Variants in NLGN3 observed in about 807,000 individuals in gnomAD.
NLGN3 encodes the protein neuroligin 3.
A neutral mutation model predicts 42.9 loss-of-function variants in NLGN3; 11 were observed. The observed-to-expected ratio is 0.26, with a 90% CI of 0.16 to 0.42. The LOEUF (loss-of-function observed/expected upper bound fraction) is 0.42. Among genes scored for constraint, NLGN3 ranks in the 10% least tolerant of loss-of-function variants. The pLI is 1.00. For synonymous variants in NLGN3, 279 were observed against 312.7 expected, an observed-to-expected ratio of 0.89 and a Z score of 1.14; for missense variants, 374 against 733.8, an observed-to-expected ratio of 0.51 and a Z score of 5.67.
chrX:71,155,779 A>C (rs893483117), intron 5 of NLGN3, among the ~76,000 whole-genome samples: 2 of 110,451 alleles, frequency 1.8e-5, no homozygotes, highest in African/African-American at 6.6e-5. Flanking sequence ...ATTTACCTTC[A>C]TGTGTTTACA....
chrX:71,157,058 G>A (rs2092411924), intron 5 of NLGN3, among the ~76,000 whole-genome samples: 1 of 111,385 alleles, frequency 9.0e-6, no homozygotes, highest in Admixed American at 9.5e-5. Flanking sequence ...ACTTCTTCCT[G>A]GAGGAAGAGT....
chrX:71,171,287 C>G, downstream of NLGN3: 1 of 595,178 alleles, frequency 1.7e-6, no homozygotes, highest in Non-Finnish European at 2.0e-6. Flanking sequence ...CAGGCAGCCT[C>G]CCCCTGCCTC....
At position 71,155,194 on chromosome X, in the gene NLGN3, C is replaced by G. The variant is rs2092404378; in HGVS notation, c.578-20C>G. The G allele has an allele frequency of 8.3e-7, 1 of 1,211,250 alleles. No individual in the cohort carries two copies. The highest frequency in any genetic ancestry group is 3.0e-5 in the East Asian group (1 of 33,826). On this transcript the variant is annotated intron_variant, in intron 4 of 7. Coordinates refer to ENST00000358741, the MANE Select transcript of NLGN3 (RefSeq NM_181303.2). ...CAAGGGCATCCCACCCAGCCTGTGT[C>G]TCACCCCTTCTCCTTGCAGACATCC...
At chrX:71,168,268 G>A (rs1392423688) in intron 7 of NLGN3, among the ~76,000 whole-genome samples, 2 of 111,249 alleles carry the variant, frequency 1.8e-5, no homozygotes, top group Admixed American at 9.5e-5. Context: ...CTTGAGCCCC[G>A]GAGGGTGAGG....
rs762881791 is a variant in NLGN3, at chrX:71,170,771, T to A, written c.*674T>A. ...GGTGGAAGGAGAAAGGGGCTAGCAC[T>A]GGATGGAGCTGGAGGGTCGTAGGGG... is the stretch of plus-strand genomic sequence containing the variant. On this transcript the variant is annotated 3_prime_UTR_variant, in exon 8 of 8. Coordinates refer to ENST00000358741, the MANE Select transcript of NLGN3 (RefSeq NM_181303.2). 10 of 757,721 alleles carry A rather than the reference T, an allele frequency of 1.3e-5. No homozygotes were observed. The highest frequency in any genetic ancestry group is 1.6e-5 in the Non-Finnish European group (10 of 641,394). The allele number at this position is 757,721 out of a possible 1,213,427, so 62.4% of individuals were successfully genotyped here. A position where few individuals can be genotyped will look rare whatever the true frequency, so the allele number is the denominator to read the frequency against.
intron 3 of NLGN3, among the ~76,000 whole-genome samples, chrX:71,151,500 G>A (rs958778239): frequency 3.6e-5 from 4 of 111,399 alleles, no homozygotes; most frequent in South Asian, 3.8e-4. Flanking sequence ...CTCGGAGGTC[G>A]TTAGGGTTGT....
At chrX:71,166,912 C>A in intron 6 of NLGN3, 99 bp from the exon 7 acceptor site, 1 of 770,749 alleles carries the variant, frequency 1.3e-6, no homozygotes, top group Admixed American at 2.6e-5. Flanking sequence ...CTTCCTAGCC[C>A]ATTTAAACCA....
chrX:71,145,767 A>G (rs777809583), intron 1 of NLGN3, among the ~76,000 whole-genome samples: 9 of 82,017 alleles, frequency 1.1e-4, no homozygotes, highest in African/African-American at 4.3e-4. Context: ...CGAAAGGGTT[A>G]ATGGAATTTG....
chrX:71,165,813 C>T (rs879184241), intron 6 of NLGN3, among the ~76,000 whole-genome samples: 3 of 111,746 alleles, frequency 2.7e-5, no homozygotes, highest in Admixed American at 1.9e-4. Context: ...GGATTACAGG[C>T]GTGAGCCACT....
chrX:71,146,185 A>T (rs2092369045), intron 1 of NLGN3, among the ~76,000 whole-genome samples: 1 of 88,265 alleles, frequency 1.1e-5, no homozygotes, highest in African/African-American at 4.4e-5. Context: ...ACACACACAC[A>T]CACACACACA....
Position 71,169,238 on chromosome X carries a change from C to A in NLGN3, c.1704-16C>A, listed in dbSNP as rs1360724488. 1 of 1,210,266 alleles carries A rather than the reference C, an allele frequency of 8.3e-7. No homozygotes were observed. Among genetic ancestry groups the A allele is most frequent in the Non-Finnish European group, 1.1e-6 (1 of 894,626 alleles). On this transcript the variant is annotated splice_polypyrimidine_tract_variant and intron_variant, in intron 7 of 7. Coordinates refer to ENST00000358741, the MANE Select transcript of NLGN3 (RefSeq NM_181303.2). ...CAGATAGAGTGGTGACCCCAGATTTCCATGTGGTATTTCAGGGATCCCAAC... is the reference window on the plus strand; with the variant it reads ...CAGATAGAGTGGTGACCCCAGATTTACATGTGGTATTTCAGGGATCCCAAC...
chrX:71,146,735 T>C (rs1372536697), intron 1 of NLGN3, among the ~76,000 whole-genome samples: 3 of 111,520 alleles, frequency 2.7e-5, no homozygotes, highest in Non-Finnish European at 5.7e-5. Flanking sequence ...GTCTCTCTCA[T>C]TCCCTCTTTG....
chrX:71,159,524 G>A (rs1427936826), intron 5 of NLGN3, among the ~76,000 whole-genome samples: 2 of 110,658 alleles, frequency 1.8e-5, no homozygotes, highest in Non-Finnish European at 3.8e-5. Flanking sequence ...AAATATCACC[G>A]AAAACTCAGA....
chrX:71,160,550 C>A (rs2092426616), intron 5 of NLGN3, among the ~76,000 whole-genome samples: 1 of 112,092 alleles, frequency 8.9e-6, no homozygotes, highest in South Asian at 3.7e-4. Flanking sequence ...TTGGGTGATT[C>A]ATGAATGTTG....
chrX:71,154,308 AG>A (rs1168492535), intron 4 of NLGN3, among the ~76,000 whole-genome samples: 1 of 113,201 alleles, frequency 8.8e-6, no homozygotes, highest in Admixed American at 9.2e-5. Flanking sequence ...CAGGCAGCTC[AG>A]GGGGGCCCAG....
rs973329299 is a variant in NLGN3 at position 71,167,588 on chromosome X, C to T, written c.1491C>T (p.Tyr497=). The change falls in exon 7 of 8, where the codon TAC becomes TAT. Residue 497 remains tyrosine, a synonymous_variant. Coordinates refer to ENST00000358741, the MANE Select transcript of NLGN3 (RefSeq NM_181303.2). ...SVVTADLHAR[Y]GSPTYFYAFY... ...TGACAGCCGATCTGCATGCCCGCTACGGCTCGCCTACCTACTTCTACGCCT... is the reference window on the plus strand; with the variant it reads ...TGACAGCCGATCTGCATGCCCGCTATGGCTCGCCTACCTACTTCTACGCCT... 1.3e-5 allele frequency: 16 copies of T among 1,209,013 alleles called. No individual in the cohort carries two copies. Among genetic ancestry groups the T allele is most frequent in the Middle Eastern group, 2.3e-4 (1 of 4,376 alleles).
At position 71,168,343 on chromosome X, in the gene NLGN3, A is replaced by C. The variant is rs2092453659; in HGVS notation, c.1703+543A>C. ...GGTGACAGAGCGAAACCTTATCTTA[A>C]ACACACACACACACACACATATACA... On this transcript the variant is annotated intron_variant, in intron 7 of 7. Coordinates refer to ENST00000358741, the MANE Select transcript of NLGN3 (RefSeq NM_181303.2). Among the ~76,000 whole-genome samples the C allele has an allele frequency of 2.8e-5, 3 of 108,842 alleles. No individual in the cohort carries two copies. The South Asian group carries it at 1.2e-3, about 43-fold the overall frequency. 94.5% of individuals were successfully genotyped at this position (108,842 alleles called of 115,157 possible). A position where few individuals can be genotyped will look rare whatever the true frequency, so the allele number is the denominator to read the frequency against.
downstream of NLGN3, among the ~76,000 whole-genome samples, chrX:71,172,627 CGT>C (rs59876964): frequency 0.21 from 20,707 of 99,895 alleles, 1,628 homozygotes; most frequent in Middle Eastern, 0.46. Context: ...TGTGTGCATG[CGT>C]GTGTGTGTGT....
At position 71,153,547 on chromosome X, in the gene NLGN3, G is replaced by A. The variant is rs777810045; in HGVS notation, c.577+11G>A. ...GGGATGAAGATGAAGGTATTTGGGG[G>A]CTGCAGGGCGCGGCGGCTGGTGCAT... On this transcript the variant is annotated intron_variant, in intron 4 of 7. Transcript: ENST00000358741. 5 of 1,199,336 alleles carry A rather than the reference G, an allele frequency of 4.2e-6. No homozygotes were observed.
Sources: gnomAD v4.1 joint callset for allele counts (sites outside exome capture counted in the v4.1 genomes callset) on GRCh38, gnomAD v4.1.1 for gene constraint, MANE v1.5 for transcripts, NCBI Gene and HGNC (gene_info 2026-07-23, HGNC 2026-07-21) for gene names.